Variants in DDX46 observed in about 807,000 individuals in gnomAD.
The protein encoded by DDX46 is probable ATP-dependent RNA helicase DDX46.
In DDX46, 30 loss-of-function variants were observed where a neutral mutation model predicts 134.9. That is an observed-to-expected ratio of 0.22 (90% CI 0.17 to 0.30). The LOEUF is 0.30. Among genes scored for constraint, DDX46 ranks in the 10% least tolerant of loss-of-function variants. DDX46 has a pLI of 1.00. For synonymous variants in DDX46, 415 were observed against 404.1 expected (o/e 1.03, Z -0.32); for missense variants, 622 against 1,248.7 (o/e 0.50, Z 7.56).
chr5:134,768,233 C>T (rs1753642760), intron 3 of DDX46, among the ~76,000 whole-genome samples: 1 of 151,692 alleles, frequency 6.6e-6, no homozygotes, highest in Non-Finnish European at 1.5e-5. Context: ...CCTCAGCCTC[C>T]CGAGTAGCTG....
chr5:134,803,918 CTTTTTTTTT>C (rs201944776), intron 15 of DDX46, among the ~76,000 whole-genome samples: 2 of 94,896 alleles, frequency 2.1e-5, no homozygotes, highest in Admixed American at 2.6e-4. Flanking sequence ...GATGATTCTT[CTTTTTTTTT>C]TTTTTTTTTT....
At chr5:134,783,457 G>A (rs1473632199) in intron 9 of DDX46, among the ~76,000 whole-genome samples, 1 of 148,984 alleles carries the variant, frequency 6.7e-6, no homozygotes, top group African/African-American at 2.5e-5. Flanking sequence ...CACCATGTTG[G>A]TCAGGCTGGC....
chr5:134,795,730 A>G (rs555891127), intron 14 of DDX46, among the ~76,000 whole-genome samples: 1 of 152,268 alleles, frequency 6.6e-6, no homozygotes, highest in South Asian at 2.1e-4. Flanking sequence ...TTACATATCT[A>G]TTTTATTTCT....
chr5:134,823,827 A>G (rs542390528), intron 21 of DDX46, among the ~76,000 whole-genome samples: 2 of 152,348 alleles, frequency 1.3e-5, no homozygotes, highest in East Asian at 3.9e-4. Flanking sequence ...TACAGGCTGA[A>G]GACAATGATA....
intron 7 of DDX46, 109 bp from the exon 8 acceptor site, chr5:134,781,812 A>G (rs936574484): frequency 2.8e-6 from 3 of 1,067,434 alleles, no homozygotes; most frequent in Non-Finnish European, 1.4e-6. Flanking sequence ...AAAGTAAAAT[A>G]TTAGAGTAGT....
Position 134,831,035 on chromosome 5 carries a change from A to C in DDX46, c.*2329A>C, listed in dbSNP as rs1486220979. On this transcript the variant is annotated 3_prime_UTR_variant, in exon 23 of 23. Coordinates refer to ENST00000452510, the MANE Select transcript of DDX46 (RefSeq NM_001300860.2). ...CACACTGACTTTTAAAATTTGAATGATATATAGACTTTGTTTTTTTAATGC... is the reference window on the plus strand; with the variant it reads ...CACACTGACTTTTAAAATTTGAATGCTATATAGACTTTGTTTTTTTAATGC... The C allele has an allele frequency of 6.6e-6, 1 of 152,468 alleles. No homozygotes were observed. The highest frequency in any genetic ancestry group is 2.4e-5 in the African/African-American group (1 of 41,442). 9.4% of individuals were successfully genotyped at this position (152,468 alleles called of 1,614,324 possible).
chr5:134,776,585 A>G (rs1753943053), intron 5 of DDX46, among the ~76,000 whole-genome samples: 1 of 152,100 alleles, frequency 6.6e-6, no homozygotes, highest in African/African-American at 2.4e-5. Context: ...GGACCCATGC[A>G]GTTCAAACCT....
At chr5:134,808,007 A>G in intron 16 of DDX46, 66 bp downstream of exon 16, 5 of 1,407,206 alleles carry the variant, frequency 3.6e-6, no homozygotes, top group Non-Finnish European at 4.8e-6. Flanking sequence ...TTAGTATTTC[A>G]AGGAGTAGAT....
intron 21 of DDX46, among the ~76,000 whole-genome samples, chr5:134,821,659 C>A (rs763340542): frequency 6.6e-6 from 1 of 150,942 alleles, no homozygotes; most frequent in African/African-American, 2.4e-5. Context: ...CAGGCTTAAG[C>A]GGTTCTATTG....
At position 134,816,509 on chromosome 5, in the gene DDX46, C is replaced by T; in HGVS notation, c.2516C>T (p.Pro839Leu). The change falls in exon 19 of 23, where the codon CCT becomes CTT. Residue 839 changes from proline to leucine, a missense_variant. By Grantham distance (98) the Pro-to-Leu change is moderately conservative (BLOSUM62 -3). Coordinates refer to ENST00000452510, the MANE Select transcript of DDX46 (RefSeq NM_001300860.2). The stretch of plus-strand genomic sequence containing the variant: ...GCTGCTCCTGGAACATCAAGTGTTC[C>T]TGCTCCAACTGCAGGAAATGCTGAG... The part of the protein sequence containing the change: ...DMAAPGTSSV[P>L]APTAGNAEKL... 1 of 1,613,986 alleles carries T rather than the reference C, an allele frequency of 6.2e-7. No individual in the cohort carries two copies. The highest frequency in any genetic ancestry group is 8.5e-7 in the Non-Finnish European group (1 of 1,179,984).
chr5:134,794,157 G>A (rs985863794), intron 13 of DDX46, among the ~76,000 whole-genome samples: 4 of 152,254 alleles, frequency 2.6e-5, no homozygotes, highest in South Asian at 4.1e-4. Flanking sequence ...GAGATCCTCC[G>A]TATTTGGAGG....
rs148354607 is a variant in DDX46, at chr5:134,804,187, A to G, written c.1955-3561A>G. On this transcript the variant is annotated intron_variant, in intron 15 of 22. Transcript: ENST00000452510. ...GCCTCCCAAAGCGCTGGAATTACAGACGTGTGTCCTAGGACCTCTGAGAGT... is the reference window on the plus strand; with the variant it reads ...GCCTCCCAAAGCGCTGGAATTACAGGCGTGTGTCCTAGGACCTCTGAGAGT... Among the ~76,000 whole-genome samples, 1,296 of 152,024 alleles carry G rather than the reference A, an allele frequency of 8.5e-3. 6 individuals carry two copies. Among genetic ancestry groups the G allele is most frequent in the Middle Eastern group, 0.041 (12 of 294 alleles).
At chr5:134,760,951 G>C (rs987324799) in intron 1 of DDX46, among the ~76,000 whole-genome samples, 1 of 151,904 alleles carries the variant, frequency 6.6e-6, no homozygotes, top group Non-Finnish European at 1.5e-5. Context: ...GGGTGGTCTC[G>C]ATCTCCTGAC....
In DDX46 at chr5:134,830,661, C is replaced by G. The variant is rs926673258; in HGVS notation, c.*1955C>G. On this transcript the variant is annotated 3_prime_UTR_variant, in exon 23 of 23. Coordinates refer to ENST00000452510, the MANE Select transcript of DDX46 (RefSeq NM_001300860.2). ...TATACCTGGGAAATATTCTTGGATC[C>G]TTCACACATCCACTTAATTTCTTGA... The G allele has an allele frequency of 6.6e-6, 1 of 152,538 alleles. No homozygotes were observed. Among genetic ancestry groups the G allele is most frequent in the African/African-American group, 2.4e-5 (1 of 41,414 alleles). The allele number at this position is 152,538 out of a possible 1,614,324, so 9.4% of individuals were successfully genotyped here.
chr5:134,818,178 C>T (rs7736374), intron 20 of DDX46, among the ~76,000 whole-genome samples: 25,022 of 151,364 alleles, frequency 0.17, 2,311 homozygotes, highest in South Asian at 0.36. Flanking sequence ...AGTCTGGTCT[C>T]GAACTCCCGA....
chr5:134,788,216 C>T (rs1053888095), intron 11 of DDX46, among the ~76,000 whole-genome samples: 2 of 151,840 alleles, frequency 1.3e-5, no homozygotes, highest in Non-Finnish European at 2.9e-5. Context: ...CCTTGAACTC[C>T]TGGGCTCAAG....
chr5:134,773,705 C>T lies in DDX46; in HGVS notation c.457C>T (p.Gln153Ter). Residue 153 changes from glutamine (Q) to a stop codon, truncating the protein, a stop_gained, in exon 5 of 23, where the codon CAG becomes TAG. Transcript: ENST00000452510. LOFTEE classifies it high-confidence loss of function. ...EKEKDAGNFD[Q>*]NKLEEEMRKR... is the part of the protein sequence containing the mutation. ...CTTTTATTCCCCCAAGAACTTTGAC[C>T]AGAATAAGCTGGAAGAAGAAATGAG... 1 of 1,585,360 alleles carries T rather than the reference C, an allele frequency of 6.3e-7. No homozygotes were observed. The highest frequency in any genetic ancestry group is 1.2e-5 in the South Asian group (1 of 85,826).
intron 9 of DDX46, among the ~76,000 whole-genome samples, chr5:134,783,992 T>A (rs1754253979): frequency 6.6e-6 from 1 of 151,992 alleles, no homozygotes; most frequent in Non-Finnish European, 1.5e-5. Context: ...GCCTAATTTT[T>A]AAATTTTTCA....
chr5:134,790,323 C>T, intron 12 of DDX46, 147 bp from the exon 13 acceptor site: 1 of 678,398 alleles, frequency 1.5e-6, no homozygotes, highest in Non-Finnish European at 2.5e-6. Context: ...AATTTCTTTT[C>T]ACTTTTTAAA....
Sources: allele counts gnomAD v4.1 joint callset (sites outside exome capture counted in the v4.1 genomes callset), GRCh38; gene constraint gnomAD v4.1.1; transcripts MANE v1.5; gene names NCBI Gene and HGNC (gene_info 2026-07-23, HGNC 2026-07-21).